The following ELP4 variants were observed in gnomAD, a reference collection of about 807,000 sequenced individuals.
ELP4 encodes elongator acetyltransferase complex subunit 4, also known as elongator complex protein 4.
Under a neutral mutation model 48.9 loss-of-function variants are expected in ELP4, and 51 were observed. The ratio of observed to expected loss-of-function variants is 1.04; its 90% CI spans 0.83 to 1.32. ELP4 has a LOEUF of 1.32. ELP4 is among the 40% of genes most tolerant of loss of function. The probability of loss-of-function intolerance (pLI) is 0.00; values close to 1 mark genes in which losing one functional copy is unlikely to be tolerated. For missense variants in ELP4, 519 were observed against 514.6 expected, an observed-to-expected ratio of 1.01 and a Z score of -0.08; for synonymous variants, 210 against 189.2, an observed-to-expected ratio of 1.11 and a Z score of -0.90.
intron 5 of ELP4, among the ~76,000 whole-genome samples, chr11:31,615,889 T>G (rs1944469199): frequency 6.6e-6 from 1 of 152,132 alleles, no homozygotes; most frequent in Non-Finnish European, 1.5e-5. Flanking sequence ...ACTGGAGTGT[T>G]ACTATATTAT....
chr11:31,540,686 A>G (rs1446947410), intron 3 of ELP4, among the ~76,000 whole-genome samples: 1 of 152,214 alleles, frequency 6.6e-6, no homozygotes, highest in African/African-American at 2.4e-5. Flanking sequence ...TCATACATAT[A>G]AAAATTATTA....
intron 3 of ELP4, among the ~76,000 whole-genome samples, chr11:31,582,121 C>A (rs1957402270): frequency 6.6e-6 from 1 of 152,148 alleles, no homozygotes; most frequent in Non-Finnish European, 1.5e-5. Flanking sequence ...GCAAGACTTT[C>A]CAAACTCAAG....
At chr11:31,697,910 A>G (rs926512827) in intron 9 of ELP4, among the ~76,000 whole-genome samples, 8 of 152,222 alleles carry the variant, frequency 5.3e-5, no homozygotes, top group Non-Finnish European at 1.2e-4. Flanking sequence ...AGTTAAAAAA[A>G]AACCCATTGA....
chr11:31,524,510 C>G (rs1485634728), intron 2 of ELP4, among the ~76,000 whole-genome samples: 4 of 152,200 alleles, frequency 2.6e-5, no homozygotes, highest in Admixed American at 2.6e-4. Flanking sequence ...GCCATAATCT[C>G]TTGGTTAGAA....
intron 9 of ELP4, among the ~76,000 whole-genome samples, chr11:31,734,499 G>A (rs1421564784): frequency 1.3e-5 from 2 of 152,178 alleles, no homozygotes; most frequent in Non-Finnish European, 2.9e-5. Flanking sequence ...ACTAATAAAT[G>A]AATTCAGCAA....
In ELP4 at chr11:31,784,074, G is replaced by A. The variant is rs1948436693; in HGVS notation, c.*550G>A. 1 of 152,108 alleles carries A rather than the reference G, an allele frequency of 6.6e-6. No individual in the cohort carries two copies. The highest frequency in any genetic ancestry group is 1.5e-5 in the Non-Finnish European group (1 of 68,030). 9.4% of individuals were successfully genotyped at this position (152,108 alleles called of 1,614,324 possible). On this transcript the variant is annotated 3_prime_UTR_variant, in exon 10 of 10. Coordinates refer to ENST00000640961, the MANE Select transcript of ELP4 (RefSeq NM_019040.5). ...CACTAGAGATAATTAGTCTACCATA[G>A]TAGTTATTAAATATAAAGAACTTCA...
At chr11:31,647,692 A>G (rs750968466) in intron 7 of ELP4, 49 bp from the exon 8 acceptor site, 4 of 1,087,322 alleles carry the variant, frequency 3.7e-6, no homozygotes, top group Non-Finnish European at 5.7e-6. Flanking sequence ...TAGATATTAT[A>G]CTATTAACAT....
chr11:31,591,852 T>A (rs1277873167), intron 3 of ELP4, among the ~76,000 whole-genome samples: 1 of 152,104 alleles, frequency 6.6e-6, no homozygotes, highest in Non-Finnish European at 1.5e-5. Flanking sequence ...ATAGAAATGA[T>A]CCATGTACGT....
chr11:31,625,960 T>TAACTGTATG (rs1944734509), intron 5 of ELP4, among the ~76,000 whole-genome samples: 3 of 151,880 alleles, frequency 2.0e-5, no homozygotes, highest in Non-Finnish European at 4.4e-5. Context: ...GTATGAGAAA[T>TAACTGTATG]AGCCAAAGTA....
At chr11:31,666,783 A>G (rs532289792) in intron 9 of ELP4, among the ~76,000 whole-genome samples, 1 of 86,550 alleles carries the variant, frequency 1.2e-5, no homozygotes, top group Non-Finnish European at 3.3e-5. Context: ...GTGGCTACCT[A>G]AGAAAATTAA....
chr11:31,705,286 C>T (rs919897966), intron 9 of ELP4, among the ~76,000 whole-genome samples: 1 of 152,058 alleles, frequency 6.6e-6, no homozygotes, highest in Non-Finnish European at 1.5e-5. Context: ...GTCTCTCTTC[C>T]TCCTCTTATA....
At chr11:31,732,524 C>A (rs1947215377) in intron 9 of ELP4, among the ~76,000 whole-genome samples, 1 of 148,068 alleles carries the variant, frequency 6.8e-6, no homozygotes, top group Non-Finnish European at 1.5e-5. Context: ...GAGGATAAGA[C>A]AGAAAACAAC....
At chr11:31,566,594 G>A (rs1241999074) in intron 3 of ELP4, among the ~76,000 whole-genome samples, 2 of 151,974 alleles carry the variant, frequency 1.3e-5, no homozygotes, top group South Asian at 2.1e-4. Flanking sequence ...ACCATAATCG[G>A]GTAAAATACT....
intron 5 of ELP4, among the ~76,000 whole-genome samples, chr11:31,623,486 T>G (rs1261949709): frequency 6.7e-6 from 1 of 148,588 alleles, no homozygotes; most frequent in Admixed American, 6.8e-5. Flanking sequence ...TTTAAGTGAT[T>G]TAATCCCATA....
At chr11:31,705,148 T>C (rs902577981) in intron 9 of ELP4, among the ~76,000 whole-genome samples, 2 of 152,180 alleles carry the variant, frequency 1.3e-5, no homozygotes, top group African/African-American at 4.8e-5. Flanking sequence ...AGAAGTTTAT[T>C]TGGCTCATGG....
At chr11:31,777,686 C>G (rs904366100) in intron 9 of ELP4, among the ~76,000 whole-genome samples, 1 of 152,198 alleles carries the variant, frequency 6.6e-6, no homozygotes, top group African/African-American at 2.4e-5. Context: ...ACTTTCAGGT[C>G]TTGCCTTCCT....
chr11:31,616,327 C>T (rs1481418330), intron 5 of ELP4, among the ~76,000 whole-genome samples: 1 of 151,906 alleles, frequency 6.6e-6, no homozygotes, highest in Non-Finnish European at 1.5e-5. Context: ...AGGTCACTCA[C>T]AAGGACTGTT....
chr11:31,710,074 G>A (rs926956925), intron 9 of ELP4, among the ~76,000 whole-genome samples: 13 of 152,130 alleles, frequency 8.5e-5, no homozygotes, highest in Admixed American at 7.2e-4. Flanking sequence ...TTATAGTGGG[G>A]CCATATTTCT....
chr11:31,609,619 C>A (rs1028372700), intron 5 of ELP4, among the ~76,000 whole-genome samples: 3 of 151,948 alleles, frequency 2.0e-5, no homozygotes, highest in African/African-American at 7.3e-5. Flanking sequence ...ATGAGATGCC[C>A]GGCCGGGGTC....
Sources: gnomAD v4.1 joint callset for allele counts (sites outside exome capture counted in the v4.1 genomes callset) on GRCh38, gnomAD v4.1.1 for gene constraint, MANE v1.5 for transcripts, NCBI Gene and HGNC (gene_info 2026-07-23, HGNC 2026-07-21) for gene names.